The following CLVS1 variants were observed in gnomAD, a reference collection of about 807,000 sequenced individuals.
CLVS1 encodes clavesin 1.
Under a neutral mutation model 33.1 loss-of-function variants are expected in CLVS1, and 10 were observed. The observed-to-expected ratio is 0.30, with a 90% confidence interval of 0.19 to 0.51. The LOEUF (loss-of-function observed/expected upper bound fraction) is 0.51, where lower values mean the gene tolerates loss of function less well. CLVS1 is among the 20% of genes least tolerant of loss of function. The pLI, the probability that CLVS1 is intolerant of heterozygous loss-of-function variation, is 0.97. For missense variants in CLVS1, 343 were observed against 433.4 expected (o/e 0.79, Z 1.85); for synonymous variants, 163 against 166.1 (o/e 0.98, Z 0.14).
At chr8:61,101,534 C>A (rs535367239) in intron 1 of CLVS1, among the ~76,000 whole-genome samples, 1 of 152,236 alleles carries the variant, frequency 6.6e-6, no homozygotes, top group Admixed American at 6.5e-5. Flanking sequence ...TTATCAGATA[C>A]CTATTTGCAA....
intron 3 of CLVS1, among the ~76,000 whole-genome samples, chr8:61,394,862 A>G (rs1448252674): frequency 6.6e-6 from 1 of 152,204 alleles, no homozygotes; most frequent in Non-Finnish European, 1.5e-5. Flanking sequence ...CATCATTTTG[A>G]TAATAGACAT....
chr8:61,158,108 G>T (rs6997436), intron 2 of CLVS1, among the ~76,000 whole-genome samples: 80,946 of 152,012 alleles, frequency 0.53, 22,457 homozygotes, highest in Middle Eastern at 0.72. Context: ...ATCTATTCAG[G>T]TGATGAAATA....
At chr8:61,418,370 AG>A (rs1815525828) in intron 3 of CLVS1, among the ~76,000 whole-genome samples, 1 of 152,196 alleles carries the variant, frequency 6.6e-6, no homozygotes, top group African/African-American at 2.4e-5. Flanking sequence ...CTTAAATTGC[AG>A]AAATAATGCA....
chr8:61,464,821 T>C (rs1035719143), intron 5 of CLVS1: 1 of 152,266 alleles, frequency 6.6e-6, no homozygotes, highest in Non-Finnish European at 1.5e-5. Context: ...AGTGGCAGGA[T>C]GGGCAGAGAC....
At chr8:61,212,759 T>G (rs756820538) in intron 2 of CLVS1, among the ~76,000 whole-genome samples, 7 of 152,102 alleles carry the variant, frequency 4.6e-5, no homozygotes, top group Non-Finnish European at 1.0e-4. Flanking sequence ...GGGAGCTGAA[T>G]GGACACTCCT....
chr8:61,100,220 A>G (rs1169621868), intron 1 of CLVS1, among the ~76,000 whole-genome samples: 5 of 152,202 alleles, frequency 3.3e-5, no homozygotes, highest in Non-Finnish European at 7.3e-5. Context: ...CATGATTAGG[A>G]CAATGGGTAC....
At chr8:61,112,864 A>G (rs1805654754) in intron 1 of CLVS1, among the ~76,000 whole-genome samples, 1 of 152,212 alleles carries the variant, frequency 6.6e-6, no homozygotes, top group South Asian at 2.1e-4. Context: ...CAATCATGCC[A>G]ATCTTCAAAT....
intron 3 of CLVS1, among the ~76,000 whole-genome samples, chr8:61,405,549 G>A (rs1046299938): frequency 3.9e-5 from 6 of 152,116 alleles, no homozygotes; most frequent in Non-Finnish European, 7.4e-5. Flanking sequence ...CAAGGCAGGA[G>A]GATCACTTGA....
chr8:61,138,428 A>G (rs1806231759), intron 2 of CLVS1, among the ~76,000 whole-genome samples: 1 of 152,246 alleles, frequency 6.6e-6, no homozygotes, highest in Non-Finnish European at 1.5e-5. Flanking sequence ...GGGCAGGGAC[A>G]GGGAGTGGCT....
chr8:61,495,019 AT>A (rs1804221446), intron 5 of CLVS1, among the ~76,000 whole-genome samples: 1 of 152,126 alleles, frequency 6.6e-6, no homozygotes, highest in African/African-American at 2.4e-5. Context: ...CCATTCAACC[AT>A]GGCACACAGT....
Position 61,118,461 on chromosome 8 carries a change from G to A in CLVS1, c.-242-13309G>A, listed in dbSNP as rs1378877201. Among the ~76,000 whole-genome samples, 7 of 147,214 alleles carry A rather than the reference G, an allele frequency of 4.8e-5. No homozygotes were observed. The East Asian group carries it at 1.2e-3, about 25-fold the overall frequency. ...CTTTTCTAGTTCTTTTAATTGTGAT[G>A]TTAGGGTGTCAATTTTGCATCTTTC... On this transcript the variant is annotated intron_variant, in intron 1 of 2. Transcript: ENST00000522621.
intron 1 of CLVS1, among the ~76,000 whole-genome samples, chr8:61,086,217 ACT>A (rs1407179527): frequency 6.6e-6 from 1 of 150,708 alleles, no homozygotes; most frequent in Non-Finnish European, 1.5e-5. Context: ...CCAGAGTGAG[ACT>A]CTGTCTCAAA....
intron 3 of CLVS1, among the ~76,000 whole-genome samples, chr8:61,434,950 T>C (rs906747246): frequency 2.6e-5 from 4 of 152,232 alleles, no homozygotes; most frequent in Non-Finnish European, 5.9e-5. Flanking sequence ...CAAGGAAATA[T>C]ATTTTGGGTC....
the CLVS1 span, among the ~76,000 whole-genome samples, chr8:60,975,467 C>T: frequency 1.3e-5 from 2 of 152,072 alleles, no homozygotes; most frequent in Non-Finnish European, 2.9e-5. Context: ...CTGGAACTGG[C>T]AAACAGACAC....
At chr8:61,193,173 T>A (rs1313170200) in intron 2 of CLVS1, among the ~76,000 whole-genome samples, 1 of 152,184 alleles carries the variant, frequency 6.6e-6, no homozygotes, top group Non-Finnish European at 1.5e-5. Context: ...ATATACACCA[T>A]GGAATACTAT....
chr8:61,467,943 C>T (rs912946467), intron 5 of CLVS1, among the ~76,000 whole-genome samples: 13 of 152,188 alleles, frequency 8.5e-5, no homozygotes, highest in Admixed American at 7.9e-4. Context: ...TATGTGTGTG[C>T]AGTGAAAGAC....
chr8:61,305,227 TAA>T (rs1188831473), intron 2 of CLVS1, among the ~76,000 whole-genome samples: 6 of 152,100 alleles, frequency 3.9e-5, no homozygotes, highest in African/African-American at 1.4e-4. Context: ...GTTATTGAGG[TAA>T]AATATATATA....
At chr8:61,121,278 C>G (rs560118190) in intron 1 of CLVS1, among the ~76,000 whole-genome samples, 1 of 152,326 alleles carries the variant, frequency 6.6e-6, no homozygotes, top group South Asian at 2.1e-4. Flanking sequence ...CTGTCTGGCA[C>G]TCCCTAGTGA....
chr8:61,017,091 G>A, the CLVS1 span, among the ~76,000 whole-genome samples: 1 of 152,166 alleles, frequency 6.6e-6, no homozygotes, highest in Non-Finnish European at 1.5e-5. Flanking sequence ...AAAGACAGCC[G>A]GGGCTTCGCA....
Sources: allele counts gnomAD v4.1 joint callset (sites outside exome capture counted in the v4.1 genomes callset), GRCh38; gene constraint gnomAD v4.1.1; transcripts MANE v1.5; gene names NCBI Gene and HGNC (gene_info 2026-07-23, HGNC 2026-07-21).